Variants in ITGAM observed in about 807,000 individuals in gnomAD.
The protein encoded by ITGAM is integrin alpha-M.
Under a neutral mutation model 137.5 loss-of-function variants are expected in ITGAM, and 79 were observed. That is an observed-to-expected ratio of 0.57 (90% confidence interval 0.48 to 0.69). The LOEUF is 0.69. Among genes scored for constraint, ITGAM ranks in the 30% least tolerant of loss-of-function variants. The pLI is 0.00. For missense variants in ITGAM, 1,343 were observed against 1,483.5 expected, an observed-to-expected ratio of 0.91 and a Z score of 1.56; for synonymous variants, 583 against 592.3, an observed-to-expected ratio of 0.98 and a Z score of 0.23.
At chr16:31,306,488 T>TA (rs1415231147) in intron 14 of ITGAM, among the ~76,000 whole-genome samples, 1 of 152,016 alleles carries the variant, frequency 6.6e-6, no homozygotes, top group Non-Finnish European at 1.5e-5. Context: ...TGGCAATATC[T>TA]ATTAGCAATG....
intron 14 of ITGAM, among the ~76,000 whole-genome samples, chr16:31,314,251 A>C (rs939939634): frequency 1.3e-5 from 2 of 152,076 alleles, no homozygotes; most frequent in African/African-American, 4.8e-5. Flanking sequence ...TCATTTGTCA[A>C]TTTTGGCTTT....
intron 16 of ITGAM, among the ~76,000 whole-genome samples, chr16:31,322,282 C>T (rs1230990987): frequency 1.3e-5 from 2 of 152,112 alleles, no homozygotes; most frequent in Non-Finnish European, 2.9e-5. Context: ...CATAGCAAGA[C>T]CCATCCCTAA....
chr16:31,329,994 C>T (rs2144508162), intron 25 of ITGAM, 87 bp from the exon 26 acceptor site: 2 of 1,539,982 alleles, frequency 1.3e-6, no homozygotes, highest in East Asian at 2.4e-5. Flanking sequence ...CGCTCCGCCC[C>T]TCTCCTGGAC....
At chr16:31,287,718 C>A (rs886459603) in intron 12 of ITGAM, among the ~76,000 whole-genome samples, 3 of 152,054 alleles carry the variant, frequency 2.0e-5, no homozygotes, top group African/African-American at 7.3e-5. Context: ...TCTCCTGATA[C>A]CTGAACAGCT....
chr16:31,266,176 TGC>T (rs766448621), intron 5 of ITGAM, 29 bp downstream of exon 5: 4 of 1,497,440 alleles, frequency 2.7e-6, no homozygotes, highest in Non-Finnish European at 3.7e-6. Context: ...AGGGAACAGA[TGC>T]GCAGCAAAAG....
intron 14 of ITGAM, among the ~76,000 whole-genome samples, chr16:31,304,858 A>G (rs1195565093): frequency 6.6e-6 from 1 of 152,152 alleles, no homozygotes; most frequent in Non-Finnish European, 1.5e-5. Context: ...TTTGGTAACT[A>G]TAGCCTTGTA....
At chr16:31,265,334 T>A (rs1255252986) in intron 2 of ITGAM, 61 bp from the exon 3 acceptor site, 12 of 922,058 alleles carry the variant, frequency 1.3e-5, no homozygotes, top group Non-Finnish European at 1.8e-5. Context: ...CAGAACTTCC[T>A]CTGTGGTCTC....
In ITGAM at chr16:31,275,570, G is replaced by A. The variant is rs541244666; in HGVS notation, c.880G>A (p.Glu294Lys). Residue 294 changes from glutamate to lysine, a missense_variant, in exon 9 of 30, where the codon GAG becomes AAG. By Grantham distance (56) the Glu-to-Lys change is moderately conservative (BLOSUM62 1). Coordinates refer to ENST00000544665, the MANE Select transcript of ITGAM (RefSeq NM_000632.4). ...VIGVGDAFRS[E>K]KSRQELNTIA... ...ACAGGTGGGAGATGCCTTCCGCAGT[G>A]AGAAATCCCGCCAAGAGCTTAATAC... 4 of 1,613,968 alleles carry A rather than the reference G, an allele frequency of 2.5e-6. No homozygotes were observed. The highest frequency in any genetic ancestry group is 2.2e-5 in the East Asian group (1 of 44,878).
At chr16:31,331,098 C>T (rs1263221320) in intron 28 of ITGAM, 67 bp from the exon 29 acceptor site, 4 of 812,108 alleles carry the variant, frequency 4.9e-6, no homozygotes, top group Admixed American at 4.0e-5. Flanking sequence ...GGGGTGCACA[C>T]GGTGTGAATG....
At chr16:31,307,555 G>A (rs946306677) in intron 14 of ITGAM, among the ~76,000 whole-genome samples, 2 of 152,258 alleles carry the variant, frequency 1.3e-5, no homozygotes, top group Admixed American at 6.5e-5. Context: ...GGGCTGAGAC[G>A]ATGGGGTTTT....
At chr16:31,325,930 G>T (rs1465866353) in intron 21 of ITGAM, among the ~76,000 whole-genome samples, 1 of 152,060 alleles carries the variant, frequency 6.6e-6, no homozygotes, top group Non-Finnish European at 1.5e-5. Context: ...GCTGGGCGTG[G>T]TGGTGCACAC....
At chr16:31,316,918 CAAAT>C (rs1283999691) in intron 14 of ITGAM, among the ~76,000 whole-genome samples, 1 of 152,162 alleles carries the variant, frequency 6.6e-6, no homozygotes, top group East Asian at 1.9e-4. Context: ...TGTATAGAAA[CAAAT>C]AATTTTTGTA....
intron 14 of ITGAM, among the ~76,000 whole-genome samples, chr16:31,313,664 T>C (rs1411739165): frequency 6.6e-6 from 1 of 152,240 alleles, no homozygotes; most frequent in African/African-American, 2.4e-5. Flanking sequence ...GTCTTTGCTA[T>C]TGTAAATAGT....
chr16:31,280,715 C>G (rs1163521708), intron 12 of ITGAM, among the ~76,000 whole-genome samples: 1 of 151,960 alleles, frequency 6.6e-6, no homozygotes, highest in Non-Finnish European at 1.5e-5. Context: ...TTATTTCTTT[C>G]TCCTGCCTGA....
intron 5 of ITGAM, among the ~76,000 whole-genome samples, chr16:31,267,107 A>G (rs182306989): frequency 1.8e-4 from 28 of 152,134 alleles, no homozygotes; most frequent in African/African-American, 6.7e-4. Context: ...AGCTCTGGTG[A>G]TCTGCCCACC....
intron 14 of ITGAM, among the ~76,000 whole-genome samples, chr16:31,300,031 T>C (rs1419030055): frequency 6.6e-6 from 1 of 152,062 alleles, no homozygotes; most frequent in African/African-American, 2.4e-5. Flanking sequence ...TCTAATTTAT[T>C]TTTATTTTTT....
At chr16:31,297,704 G>T (rs765641167) in intron 13 of ITGAM, 41 bp from the exon 14 acceptor site, 6 of 1,591,062 alleles carry the variant, frequency 3.8e-6, no homozygotes, top group Non-Finnish European at 5.1e-6. Context: ...TGGGTGGAGG[G>T]GTCGCCTGGG....
intron 14 of ITGAM, among the ~76,000 whole-genome samples, chr16:31,302,936 CTTTCTT>C (rs2080226259): frequency 1.3e-5 from 1 of 76,184 alleles, no homozygotes; most frequent in Admixed American, 1.4e-4. Flanking sequence ...TTCTTTCTTT[CTTTCTT>C]TCTTTCTTTC....
chr16:31,261,996 C>T (rs1374494369), intron 2 of ITGAM, among the ~76,000 whole-genome samples, 199 bp downstream of exon 2: 1 of 152,140 alleles, frequency 6.6e-6, no homozygotes, highest in East Asian at 1.9e-4. Context: ...CTTCCTTACT[C>T]CCTTCCCCTA....
Sources: gnomAD v4.1 joint callset for allele counts (sites outside exome capture counted in the v4.1 genomes callset) on GRCh38, gnomAD v4.1.1 for gene constraint, MANE v1.5 for transcripts, NCBI Gene and HGNC (gene_info 2026-07-23, HGNC 2026-07-21) for gene names.